Variants in FOXP2 observed in about 807,000 individuals in gnomAD.
FOXP2 encodes forkhead box P2.
Under a neutral mutation model 115.8 loss-of-function variants are expected in FOXP2, and 12 were observed. The observed-to-expected ratio is 0.10, with a 90% CI of 0.07 to 0.17. FOXP2 has a LOEUF of 0.17. FOXP2 is among the 10% of genes least tolerant of loss of function. The probability of loss-of-function intolerance (pLI) is 1.00; values close to 1 mark genes in which losing one functional copy is unlikely to be tolerated. For missense variants in FOXP2, 629 were observed against 843.5 expected (o/e 0.75, Z 3.15); for synonymous variants, 328 against 297.7 (o/e 1.10, Z -1.05).
At chr7:114,269,737 T>G (rs751145102) in intron 1 of FOXP2, among the ~76,000 whole-genome samples, 5 of 152,208 alleles carry the variant, frequency 3.3e-5, no homozygotes, top group Admixed American at 1.3e-4. Flanking sequence ...TGTTGTTTAT[T>G]GTTAATCATT....
intron 1 of FOXP2, among the ~76,000 whole-genome samples, chr7:114,099,423 T>G (rs1321375617): frequency 6.6e-6 from 1 of 152,110 alleles, no homozygotes; most frequent in Non-Finnish European, 1.5e-5. Context: ...CGCTTTGGTG[T>G]GAATGTAGAT....
chr7:114,504,501 T>C (rs1238942128), intron 2 of FOXP2, among the ~76,000 whole-genome samples: 2 of 151,692 alleles, frequency 1.3e-5, no homozygotes, highest in Non-Finnish European at 3.0e-5. Context: ...ACATTATAAA[T>C]AGTTCCAGTA....
At chr7:114,440,762 A>G (rs1306726023) in intron 2 of FOXP2, among the ~76,000 whole-genome samples, 2 of 152,180 alleles carry the variant, frequency 1.3e-5, no homozygotes, top group Non-Finnish European at 2.9e-5. Flanking sequence ...TGGCTATTCT[A>G]CAGAGACTAA....
chr7:114,618,119 A>G (rs1181686333), intron 3 of FOXP2, among the ~76,000 whole-genome samples: 1 of 152,122 alleles, frequency 6.6e-6, no homozygotes, highest in South Asian at 2.1e-4. Flanking sequence ...CTTCCTGTGC[A>G]TTCTCCTATC....
chr7:114,236,391 C>T (rs946390403), intron 1 of FOXP2, among the ~76,000 whole-genome samples: 4 of 152,244 alleles, frequency 2.6e-5, no homozygotes, highest in Admixed American at 6.5e-5. Context: ...TAATTCTAAA[C>T]ATATAAAGCA....
At chr7:114,596,976 A>G (rs931621703) in intron 3 of FOXP2, among the ~76,000 whole-genome samples, 2 of 152,146 alleles carry the variant, frequency 1.3e-5, no homozygotes, top group Admixed American at 1.3e-4. Flanking sequence ...ACACTAAAGT[A>G]GCAGACCATT....
chr7:114,537,848 A>G (rs1231992091), intron 3 of FOXP2, among the ~76,000 whole-genome samples: 4 of 151,696 alleles, frequency 2.6e-5, no homozygotes, highest in Non-Finnish European at 4.4e-5. Flanking sequence ...GATTAATGGC[A>G]TATTGATGAA....
At chr7:114,553,636 G>A (rs1016933785) in intron 3 of FOXP2, among the ~76,000 whole-genome samples, 7 of 152,090 alleles carry the variant, frequency 4.6e-5, no homozygotes, top group Non-Finnish European at 8.8e-5. Context: ...GAATCTAGCT[G>A]AATAATTTAA....
intron 1 of FOXP2, among the ~76,000 whole-genome samples, chr7:114,210,971 C>A (rs543862568): frequency 1.3e-5 from 2 of 152,276 alleles, no homozygotes; most frequent in South Asian, 4.1e-4. Context: ...CTTCTCCAGA[C>A]CCTTTGAATT....
chr7:114,398,857 T>C (rs1156839653), intron 2 of FOXP2, among the ~76,000 whole-genome samples: 1 of 152,210 alleles, frequency 6.6e-6, no homozygotes, highest in Non-Finnish European at 1.5e-5. Context: ...GTAGTAGCTA[T>C]CTCTAAGCTG....
At chr7:114,381,511 A>C (rs187166696) in intron 2 of FOXP2, among the ~76,000 whole-genome samples, 29 of 152,306 alleles carry the variant, frequency 1.9e-4, no homozygotes, top group African/African-American at 6.3e-4. Context: ...AGGTGAGTTG[A>C]GACGTTGGGT....
intron 2 of FOXP2, among the ~76,000 whole-genome samples, chr7:114,345,062 C>T (rs983069070): frequency 6.6e-6 from 1 of 151,560 alleles, no homozygotes; most frequent in Non-Finnish European, 1.5e-5. Flanking sequence ...TTTGTTGTGA[C>T]AAGAAATATA....
intron 3 of FOXP2, among the ~76,000 whole-genome samples, chr7:114,615,746 AC>A (rs903776066): frequency 6.6e-6 from 1 of 152,200 alleles, no homozygotes; most frequent in Non-Finnish European, 1.5e-5. Flanking sequence ...GAGAGACTGT[AC>A]GGGTCCCTTG....
rs917190348 is a variant in FOXP2 at position 114,391,029 on chromosome 7, A to T, written c.-10-35473A>T. Among the ~76,000 whole-genome samples the T allele has an allele frequency of 3.9e-5, 6 of 152,176 alleles. No individual in the cohort carries two copies. The South Asian group carries it at 1.2e-3, about 32-fold the overall frequency. On this transcript the variant is annotated intron_variant, in intron 2 of 17. Coordinates refer to the FOXP2 transcript ENST00000634411. Reference sequence around the variant, plus strand: ...TGGCAAAACCCCATCTCTACTAAAAATACAAAAATTAGCTGGGCGTGGTGG... The same window carrying T: ...TGGCAAAACCCCATCTCTACTAAAATTACAAAAATTAGCTGGGCGTGGTGG...
chr7:114,406,264 A>T (rs757677840), intron 2 of FOXP2, among the ~76,000 whole-genome samples: 2 of 151,950 alleles, frequency 1.3e-5, no homozygotes, highest in South Asian at 2.1e-4. Flanking sequence ...AGAAAAAAAC[A>T]TATTTTGCTC....
chr7:114,677,698 A>G (rs1406264252), intron 16 of FOXP2, among the ~76,000 whole-genome samples: 1 of 152,172 alleles, frequency 6.6e-6, no homozygotes, highest in African/African-American at 2.4e-5. Context: ...TAGGCAACAA[A>G]TTTGTTTATC....
chr7:114,475,313 C>A (rs992190891), intron 2 of FOXP2, among the ~76,000 whole-genome samples: 2 of 152,096 alleles, frequency 1.3e-5, no homozygotes, highest in East Asian at 3.9e-4. Context: ...AAAAATTTTA[C>A]CTTATTTGAA....
rs1268441581 is a variant in FOXP2, at chr7:114,367,889, A to G, written c.-10-58613A>G. On this transcript the variant is annotated intron_variant, in intron 2 of 17. Transcript: ENST00000634411. ...TTATAAATACACGTGTATATACATAATTCTATATGTAACCAGTTAAAATTA... is the reference window on the plus strand; with the variant it reads ...TTATAAATACACGTGTATATACATAGTTCTATATGTAACCAGTTAAAATTA... Among the ~76,000 whole-genome samples the G allele has an allele frequency of 3.3e-5, 5 of 152,276 alleles. No individual in the cohort carries two copies. The East Asian group carries it at 9.6e-4, about 29-fold the overall frequency.
intron 3 of FOXP2, among the ~76,000 whole-genome samples, chr7:114,619,371 C>A (rs894605682): frequency 6.6e-6 from 1 of 152,042 alleles, no homozygotes. Flanking sequence ...CTATAAAGAG[C>A]AATTATTTTT....
Sources: allele counts gnomAD v4.1 joint callset (sites outside exome capture counted in the v4.1 genomes callset), GRCh38; gene constraint gnomAD v4.1.1; transcripts MANE v1.5; gene names NCBI Gene and HGNC (gene_info 2026-07-23, HGNC 2026-07-21).